The following RDX variants were observed in gnomAD, a reference collection of about 807,000 sequenced individuals.
RDX encodes the protein deafness, autosomal recessive 24.
A neutral mutation model predicts 83.7 loss-of-function variants in RDX; 32 were observed. The ratio of observed to expected loss-of-function variants is 0.38; its 90% confidence interval spans 0.29 to 0.51. The LOEUF (loss-of-function observed/expected upper bound fraction) is 0.51. Among genes scored for constraint, RDX ranks in the 20% least tolerant of loss-of-function variants. The pLI, the probability that RDX is intolerant of heterozygous loss-of-function variation, is 0.87. For missense variants in RDX, 600 were observed against 689.9 expected (o/e 0.87, Z 1.46); for synonymous variants, 229 against 222.7 (o/e 1.03, Z -0.25).
intron 14 of RDX, among the ~76,000 whole-genome samples, chr11:110,206,154 G>A (rs2134246445): frequency 6.6e-6 from 1 of 151,620 alleles, no homozygotes; most frequent in Middle Eastern, 3.4e-3. Flanking sequence ...CTGCTTGGGA[G>A]GCTGCAGCAG....
chr11:110,215,375 A>AATAC (rs1033410900), intron 14 of RDX, among the ~76,000 whole-genome samples: 7 of 54,148 alleles, frequency 1.3e-4, no homozygotes, highest in African/African-American at 4.0e-4. Flanking sequence ...AAAATAAATA[A>AATAC]ATAAATAAAT....
chr11:110,237,728 G>T, intron 10 of RDX, 76 bp from the exon 11 acceptor site: 1 of 1,483,054 alleles, frequency 6.7e-7, no homozygotes, highest in Non-Finnish European at 9.4e-7. Context: ...TAAAATAGTA[G>T]CAAGAAATCA....
intron 1 of RDX, among the ~76,000 whole-genome samples, chr11:110,296,167 G>A (rs1861448278): frequency 6.6e-6 from 1 of 152,202 alleles, no homozygotes; most frequent in African/African-American, 2.4e-5. Flanking sequence ...CGCGCCCCGA[G>A]GAAAGGAGAA....
chr11:110,256,428 A>G (rs75934368), intron 7 of RDX, among the ~76,000 whole-genome samples: 13 of 152,350 alleles, frequency 8.5e-5, no homozygotes, highest in African/African-American at 2.9e-4. Flanking sequence ...AGAGAACACT[A>G]TGCTACGTTT....
chr11:110,187,642 T>C (rs1355763387), intron 15 of RDX, among the ~76,000 whole-genome samples: 1 of 152,224 alleles, frequency 6.6e-6, no homozygotes, highest in Non-Finnish European at 1.5e-5. Context: ...GGGTGCTTGA[T>C]GGCTGCCCAT....
chr11:110,184,474 C>T (rs975059661), intron 15 of RDX, among the ~76,000 whole-genome samples: 1 of 152,172 alleles, frequency 6.6e-6, no homozygotes. Context: ...GAGCAAGGCA[C>T]GGGCCTCTAA....
intron 1 of RDX, among the ~76,000 whole-genome samples, chr11:110,285,615 A>C (rs1025172878): frequency 2.7e-5 from 4 of 147,966 alleles, no homozygotes; most frequent in Admixed American, 6.9e-5. Context: ...CAGGAGGCTG[A>C]GGCAGGAGAA....
downstream of RDX, among the ~76,000 whole-genome samples, chr11:110,226,172 G>A (rs1457092385): frequency 6.6e-6 from 1 of 151,686 alleles, no homozygotes; most frequent in Non-Finnish European, 1.5e-5. Context: ...TAAGATATTT[G>A]TACACCAATG....
chr11:110,215,055 T>A (rs796867693), intron 14 of RDX, among the ~76,000 whole-genome samples: 1,514 of 135,696 alleles, frequency 0.011, 7 homozygotes, highest in Middle Eastern at 0.016. Context: ...AAAAAATATA[T>A]ATATATATAT....
At chr11:110,250,111 C>T (rs773869243) in intron 9 of RDX, among the ~76,000 whole-genome samples, 29 of 152,162 alleles carry the variant, frequency 1.9e-4, no homozygotes, top group Admixed American at 2.0e-4. Context: ...ATACAAGCTT[C>T]CACACTTCTA....
intron 15 of RDX, among the ~76,000 whole-genome samples, chr11:110,190,443 A>G (rs1863081729): frequency 6.6e-6 from 1 of 152,174 alleles, no homozygotes; most frequent in South Asian, 2.1e-4. Context: ...GATAGAGAGC[A>G]AGTCTCCATC....
intron 15 of RDX, among the ~76,000 whole-genome samples, chr11:110,181,506 G>C (rs1161275834): frequency 6.6e-6 from 1 of 151,976 alleles, no homozygotes; most frequent in African/African-American, 2.4e-5. Flanking sequence ...GCTATGTGAG[G>C]TTGGCCCCTT....
chr11:110,252,042 C>T (rs1480708300), intron 9 of RDX, among the ~76,000 whole-genome samples: 1 of 152,198 alleles, frequency 6.6e-6, no homozygotes, highest in Non-Finnish European at 1.5e-5. Flanking sequence ...CCATTTCTCT[C>T]TCTCTGACCT....
intron 14 of RDX, among the ~76,000 whole-genome samples, chr11:110,210,597 G>A (rs1381456136): frequency 5.3e-5 from 8 of 150,346 alleles, no homozygotes; most frequent in East Asian, 4.0e-4. Flanking sequence ...GAGAAAGGTC[G>A]GGTTACCCTC....
intron 15 of RDX, among the ~76,000 whole-genome samples, chr11:110,179,487 T>C (rs1245151849): frequency 6.6e-6 from 1 of 152,168 alleles, no homozygotes; most frequent in Non-Finnish European, 1.5e-5. Flanking sequence ...CTCTTAAATA[T>C]CTAGGCCAGG....
intron 3 of RDX, 42 bp from the exon 4 acceptor site, chr11:110,264,916 C>T (rs1172905279): frequency 1.4e-6 from 2 of 1,408,846 alleles, no homozygotes; most frequent in African/African-American, 2.8e-5. Context: ...TTCAGTCCAA[C>T]ATACACATTG....
At chr11:110,257,000 A>G (rs958919996) in intron 7 of RDX, among the ~76,000 whole-genome samples, 1 of 150,194 alleles carries the variant, frequency 6.7e-6, no homozygotes, top group African/African-American at 2.5e-5. Context: ...TTGCATGCTT[A>G]TGTGGTATGG....
At chr11:110,218,887 CGTTT>C (rs1375724975) in intron 14 of RDX, among the ~76,000 whole-genome samples, 1 of 152,148 alleles carries the variant, frequency 6.6e-6, no homozygotes, top group African/African-American at 2.4e-5. Context: ...TCTATCCATT[CGTTT>C]ATTAAATAGG....
intron 3 of RDX, among the ~76,000 whole-genome samples, chr11:110,271,133 G>T (rs1189030146): frequency 2.0e-5 from 3 of 152,084 alleles, no homozygotes; most frequent in Non-Finnish European, 4.4e-5. Context: ...GATCCAAAAA[G>T]GCCTTATCAG....
Sources: gnomAD v4.1 joint callset for allele counts (sites outside exome capture counted in the v4.1 genomes callset) on GRCh38, gnomAD v4.1.1 for gene constraint, MANE v1.5 for transcripts, NCBI Gene and HGNC (gene_info 2026-07-23, HGNC 2026-07-21) for gene names.